The following CIB4 variants were observed in gnomAD, a reference collection of about 807,000 sequenced individuals.
CIB4 encodes the protein calcium and integrin binding family member 4.
Under a neutral mutation model 25.8 loss-of-function variants are expected in CIB4, and 25 were observed. The ratio of observed to expected loss-of-function variants is 0.97; its 90% CI spans 0.71 to 1.35. The LOEUF is 1.35. Ranked by LOEUF, CIB4 falls within the 40% of genes most tolerant of loss-of-function variation. The pLI is 0.00. For missense variants in CIB4, 235 were observed against 228.2 expected (o/e 1.03, Z -0.19); for synonymous variants, 75 against 81.4 (o/e 0.92, Z 0.42).
At chr2:26,595,895 G>GCACACACA (rs755408979) in intron 3 of CIB4, among the ~76,000 whole-genome samples, 23 of 148,524 alleles carry the variant, frequency 1.5e-4, no homozygotes, top group African/African-American at 5.9e-4. Flanking sequence ...ACTTATCTGC[G>GCACACACA]CGCACACACA....
intron 3 of CIB4, among the ~76,000 whole-genome samples, chr2:26,614,592 A>T (rs971950327): frequency 6.6e-6 from 1 of 152,204 alleles, no homozygotes; most frequent in Non-Finnish European, 1.5e-5. Flanking sequence ...CCGGCTGGTC[A>T]CTGGCTGGTC....
chr2:26,632,977 C>A (rs930180608), intron 2 of CIB4, among the ~76,000 whole-genome samples: 1 of 151,892 alleles, frequency 6.6e-6, no homozygotes, highest in African/African-American at 2.4e-5. Flanking sequence ...GGCTCCTGCC[C>A]CCACCACGGG....
rs1485423940 is a variant in CIB4, at chr2:26,583,936, G to C, written c.329-38C>G. 3 of 1,364,004 alleles carry C rather than the reference G, an allele frequency of 2.2e-6. No homozygotes were observed. In the South Asian group the frequency reaches 3.5e-5, roughly 16 times the overall value. 84.5% of individuals were successfully genotyped at this position (1,364,004 alleles called of 1,614,324 possible). On this transcript the variant is annotated intron_variant, in intron 4 of 6. Transcript: ENST00000288861. Reference sequence around the variant, plus strand: ...GGCCAGGCCTGCATTAGACGGAGCTGGGGGCTAAACAGGAAGAGGACTTGA... The same window carrying C: ...GGCCAGGCCTGCATTAGACGGAGCTCGGGGCTAAACAGGAAGAGGACTTGA...
intron 3 of CIB4, among the ~76,000 whole-genome samples, chr2:26,626,379 G>T (rs2148221402): frequency 9.0e-6 from 1 of 111,668 alleles, no homozygotes. Flanking sequence ...AGAAACCCAA[G>T]TAGAAAAAAA....
At chr2:26,634,624 GT>G (rs1669496192) in intron 2 of CIB4, among the ~76,000 whole-genome samples, 1 of 152,162 alleles carries the variant, frequency 6.6e-6, no homozygotes, top group Admixed American at 6.5e-5. Flanking sequence ...ACTCCCCCGT[GT>G]TTGCACAGCT....
chr2:26,586,034 T>A (rs1668445678), intron 4 of CIB4, among the ~76,000 whole-genome samples: 1 of 152,128 alleles, frequency 6.6e-6, no homozygotes, highest in Non-Finnish European at 1.5e-5. Flanking sequence ...CTCCCCGCAC[T>A]TCCCATGCAC....
intron 6 of CIB4, among the ~76,000 whole-genome samples, chr2:26,582,031 G>A (rs867395001): frequency 3.3e-5 from 5 of 152,238 alleles, no homozygotes; most frequent in African/African-American, 7.2e-5. Flanking sequence ...CAGAGTGAGC[G>A]TGGAGGGGCG....
chr2:26,635,342 T>A (rs936669718), intron 2 of CIB4, among the ~76,000 whole-genome samples: 1 of 152,216 alleles, frequency 6.6e-6, no homozygotes, highest in Admixed American at 6.5e-5. Flanking sequence ...GCAGATCTGG[T>A]GACCAGGCCT....
chr2:26,620,439 C>G (rs1166720667), intron 3 of CIB4, among the ~76,000 whole-genome samples: 2 of 152,120 alleles, frequency 1.3e-5, no homozygotes, highest in African/African-American at 4.8e-5. Context: ...CTGCAAAAGA[C>G]GGGAGTTTGT....
At chr2:26,641,230 C>T in intron 1 of CIB4, 31 bp downstream of exon 1, 1 of 1,584,762 alleles carries the variant, frequency 6.3e-7, no homozygotes, top group Admixed American at 1.7e-5. Flanking sequence ...GCTCCCACCT[C>T]TGCCCAGAGT....
intron 5 of CIB4, 82 bp from the exon 6 acceptor site, chr2:26,582,995 A>G: frequency 2.3e-6 from 2 of 883,494 alleles, no homozygotes; most frequent in Non-Finnish European, 3.8e-6. Flanking sequence ...GGGGAAAGCC[A>G]CATGCCAGGG....
chr2:26,602,811 C>T (rs1013677004), intron 3 of CIB4, among the ~76,000 whole-genome samples: 1 of 152,120 alleles, frequency 6.6e-6, no homozygotes, highest in Non-Finnish European at 1.5e-5. Context: ...CCTGTAATCT[C>T]GAGCTTGGGT....
intron 4 of CIB4, 91 bp from the exon 5 acceptor site, chr2:26,583,989 A>G: frequency 2.6e-6 from 2 of 781,416 alleles, no homozygotes; most frequent in Non-Finnish European, 4.4e-6. Flanking sequence ...AGCACCAGCC[A>G]GGACCCCACA....
At chr2:26,638,797 CA>C (rs1229599062) in intron 2 of CIB4, among the ~76,000 whole-genome samples, 4 of 152,116 alleles carry the variant, frequency 2.6e-5, no homozygotes. Flanking sequence ...TACAGAAATA[CA>C]AAAATTTGCC....
At chr2:26,640,754 C>G (rs551219172) in intron 1 of CIB4, among the ~76,000 whole-genome samples, 187 bp from the exon 2 acceptor site, 141 of 152,334 alleles carry the variant, frequency 9.3e-4, no homozygotes, top group African/African-American at 3.3e-3. Context: ...TTCTTACCCC[C>G]TAGTCTCTTA....
Position 26,583,801 on chromosome 2 carries a change from G to A in CIB4, c.426C>T (p.Asp142=). 1 of 1,607,252 alleles carries A rather than the reference G, an allele frequency of 6.2e-7. No homozygotes were observed. The highest frequency in any genetic ancestry group is 8.5e-7 in the Non-Finnish European group (1 of 1,174,678). Residue 142 remains aspartate, a synonymous_variant, in exon 5 of 7, where the codon GAC becomes GAT. Coordinates refer to ENST00000288861, the MANE Select transcript of CIB4 (RefSeq NM_001029881.3). The part of the protein sequence containing the change: ...SDDMSEDLLM[D]LTNHVLSESD... The stretch of plus-strand genomic sequence containing the variant: ...CCCCAGCACACACGTGGTTCGTGAG[G>A]TCCATCAGGAGGTCCTCAGACATGT...
At chr2:26,605,404 C>T (rs185095696) in intron 3 of CIB4, 34 of 444,060 alleles carry the variant, frequency 7.7e-5, no homozygotes, top group African/African-American at 5.5e-4. Flanking sequence ...CCCTGTGCTC[C>T]TGGGCTACCT....
chr2:26,640,688 G>T, intron 1 of CIB4, 121 bp from the exon 2 acceptor site: 2 of 1,067,476 alleles, frequency 1.9e-6, no homozygotes, highest in Non-Finnish European at 2.8e-6. Context: ...ACAGCTGGGG[G>T]AACCCCAGGT....
chr2:26,613,130 T>C (rs1001502883), intron 3 of CIB4, among the ~76,000 whole-genome samples: 4 of 151,940 alleles, frequency 2.6e-5, no homozygotes, highest in African/African-American at 9.7e-5. Context: ...GGAGAGTGGG[T>C]TTTTCCCACC....
Sources: gnomAD v4.1 joint callset for allele counts (sites outside exome capture counted in the v4.1 genomes callset) on GRCh38, gnomAD v4.1.1 for gene constraint, MANE v1.5 for transcripts, NCBI Gene and HGNC (gene_info 2026-07-23, HGNC 2026-07-21) for gene names.